Variants in GRHL2 observed in about 807,000 individuals in gnomAD.
The protein encoded by GRHL2 is grainyhead like transcription factor 2.
GRHL2 carries 21 observed loss-of-function variants against 83.8 expected under a neutral mutation model. That is an observed-to-expected ratio of 0.25 (90% CI 0.18 to 0.36). GRHL2 has a LOEUF of 0.36. GRHL2 is among the 10% of genes least tolerant of loss of function. The probability of loss-of-function intolerance (pLI) is 1.00; values close to 1 mark genes in which losing one functional copy is unlikely to be tolerated. For synonymous variants in GRHL2, 280 were observed against 278.9 expected (o/e 1.00, Z -0.04); for missense variants, 623 against 781.8 (o/e 0.80, Z 2.42).
intron 7 of GRHL2, among the ~76,000 whole-genome samples, chr8:101,591,652 AG>A (rs2130289322): frequency 6.6e-6 from 1 of 152,332 alleles, no homozygotes; most frequent in South Asian, 2.1e-4. Flanking sequence ...TTCAAATCAC[AG>A]GTTGGCTTGT....
At chr8:101,654,413 T>TTGA (rs2129724394) in intron 14 of GRHL2, among the ~76,000 whole-genome samples, 1 of 152,222 alleles carries the variant, frequency 6.6e-6, no homozygotes, top group East Asian at 1.9e-4. Context: ...GGCAATGATG[T>TTGA]TGATGATGCA....
At chr8:101,529,809 A>G (rs1387234246) in intron 1 of GRHL2, among the ~76,000 whole-genome samples, 1 of 152,108 alleles carries the variant, frequency 6.6e-6, no homozygotes, top group East Asian at 1.9e-4. Flanking sequence ...CGCTCTCTTG[A>G]TGGAAGCTCT....
intron 1 of GRHL2, among the ~76,000 whole-genome samples, chr8:101,510,516 A>T (rs1810440200): frequency 6.6e-6 from 1 of 152,196 alleles, no homozygotes; most frequent in Non-Finnish European, 1.5e-5. Context: ...AGATTTTTAT[A>T]TTCCTGAATT....
chr8:101,648,111 C>T (rs1359128821), intron 13 of GRHL2, among the ~76,000 whole-genome samples: 2 of 152,094 alleles, frequency 1.3e-5, no homozygotes, highest in African/African-American at 4.8e-5. Flanking sequence ...GGAGGGAGAC[C>T]ACTCAGTGGG....
chr8:101,518,622 C>A (rs191409410), intron 1 of GRHL2, among the ~76,000 whole-genome samples: 32 of 152,276 alleles, frequency 2.1e-4, no homozygotes, highest in Admixed American at 1.8e-3. Context: ...ATCACCCATG[C>A]CACATGTTTT....
At chr8:101,582,435 G>A (rs1168186540) in intron 7 of GRHL2, among the ~76,000 whole-genome samples, 1 of 152,084 alleles carries the variant, frequency 6.6e-6, no homozygotes, top group African/African-American at 2.4e-5. Flanking sequence ...ATTTTTTAAG[G>A]GCATCTTAGA....
intron 9 of GRHL2, among the ~76,000 whole-genome samples, chr8:101,620,077 C>T (rs969542885): frequency 5.9e-5 from 9 of 152,120 alleles, no homozygotes. Flanking sequence ...AGTGAGGGCT[C>T]GCTTTCTGGC....
chr8:101,669,254 C>CTTTTTCTTTTTTTTTTTT lies in GRHL2; in HGVS notation c.*2556_*2557insCTTTTTTTTTTTTTTTTT, dbSNP rs1554599112. 7.9e-6 allele frequency: 1 copy of CTTTTTCTTTTTTTTTTTT among 126,626 alleles called. No individual in the cohort carries two copies. Among genetic ancestry groups the CTTTTTCTTTTTTTTTTTT allele is most frequent in the Non-Finnish European group, 1.6e-5 (1 of 61,468 alleles). The allele number at this position is 126,626 out of a possible 1,614,324, so 7.8% of individuals were successfully genotyped here. A position where few individuals can be genotyped will look rare whatever the true frequency, so the allele number is the denominator to read the frequency against. ...GGACATGTGAAATGAGCATTTTTTT[C>CTTTTTCTTTTTTTTTTTT]TTTTTTTTTTTTAACAAAGTCTGAA... On this transcript the variant is annotated 3_prime_UTR_variant, in exon 16 of 16. Coordinates refer to ENST00000646743, the MANE Select transcript of GRHL2 (RefSeq NM_024915.4).
In GRHL2 at chr8:101,526,556, C is replaced by A. The variant is rs548245432; in HGVS notation, c.21-16685C>A. On this transcript the variant is annotated intron_variant, in intron 1 of 15. Transcript: ENST00000646743. ...TTTTTTTTTTTTTTTTGCTTGAAAG[C>A]TCAAATTTTACCATTGGCAACAAAT... Among the ~76,000 whole-genome samples the A allele has an allele frequency of 2.2e-3, 261 of 117,424 alleles. 1 individual carries two copies. The highest frequency in any genetic ancestry group is 8.4e-3 in the African/African-American group (249 of 29,636). 77.0% of individuals were successfully genotyped at this position (117,424 alleles called of 152,430 possible). A position where few individuals can be genotyped will look rare whatever the true frequency, so the allele number is the denominator to read the frequency against.
intron 7 of GRHL2, among the ~76,000 whole-genome samples, chr8:101,579,730 T>C (rs1812010552): frequency 6.6e-6 from 1 of 152,218 alleles, no homozygotes; most frequent in African/African-American, 2.4e-5. Context: ...TAAACACTAT[T>C]TCCCACATAA....
chr8:101,604,165 C>T (rs571958319), intron 8 of GRHL2, among the ~76,000 whole-genome samples: 1 of 152,172 alleles, frequency 6.6e-6, no homozygotes, highest in East Asian at 1.9e-4. Context: ...ACATGACTCC[C>T]ATTTACAAGA....
intron 9 of GRHL2, among the ~76,000 whole-genome samples, chr8:101,625,134 G>A (rs1021625420): frequency 6.6e-6 from 1 of 151,974 alleles, no homozygotes; most frequent in African/African-American, 2.4e-5. Flanking sequence ...CTTTATTTCA[G>A]ATATTCCAGG....
At chr8:101,543,543 T>C in intron 2 of GRHL2, 107 bp downstream of exon 2, 1 of 1,017,608 alleles carries the variant, frequency 9.8e-7, no homozygotes, top group Non-Finnish European at 1.5e-6. Flanking sequence ...CTAATAGCAT[T>C]TCCAAAGTCA....
intron 1 of GRHL2, among the ~76,000 whole-genome samples, chr8:101,526,681 T>A (rs1357689141): frequency 4.6e-5 from 7 of 152,168 alleles, no homozygotes. Context: ...TTTGTCAATA[T>A]GTCATTCTTT....
In GRHL2 at chr8:101,552,752, C is replaced by T. The variant is rs747466435; in HGVS notation, c.254C>T (p.Ala85Val). 1.2e-6 allele frequency: 2 copies of T among 1,614,090 alleles called. No homozygotes were observed. The highest frequency in any genetic ancestry group is 2.2e-5 in the East Asian group (1 of 44,870). ...RDKRLLSVSK[A>V]SDSQEDQEKR... ...AAGAGGCTGCTGTCTGTAAGCAAAG[C>T]AAGTGACAGCCAAGAAGACCAGGAG... The change falls in exon 3 of 16, where the codon GCA (alanine) becomes GTA (valine). Residue 85 changes from alanine to valine, a missense_variant. Ala to Val is a moderately conservative substitution (Grantham distance 64). Coordinates refer to ENST00000646743, the MANE Select transcript of GRHL2 (RefSeq NM_024915.4).
At chr8:101,610,278 T>A (rs1389182041) in intron 8 of GRHL2, among the ~76,000 whole-genome samples, 1 of 150,938 alleles carries the variant, frequency 6.6e-6, no homozygotes, top group East Asian at 1.9e-4. Flanking sequence ...TTAATGCAAA[T>A]CATAACTAAT....
At chr8:101,533,592 G>A (rs1302961795) in intron 1 of GRHL2, among the ~76,000 whole-genome samples, 1 of 152,198 alleles carries the variant, frequency 6.6e-6, no homozygotes, top group Non-Finnish European at 1.5e-5. Context: ...TTAAGGAGGT[G>A]ATGGCTGTTA....
At chr8:101,549,603 T>C (rs1811337292) in intron 2 of GRHL2, among the ~76,000 whole-genome samples, 1 of 152,056 alleles carries the variant, frequency 6.6e-6, no homozygotes, top group South Asian at 2.1e-4. Flanking sequence ...TCCAGAAAAA[T>C]GTGATGGTGC....
intron 11 of GRHL2, among the ~76,000 whole-genome samples, chr8:101,632,757 TCTC>T (rs2130401134): frequency 6.6e-6 from 1 of 152,286 alleles, no homozygotes; most frequent in South Asian, 2.1e-4. Flanking sequence ...AAGAGGGAAG[TCTC>T]CGCTTAAATA....
Sources: gnomAD v4.1 joint callset for allele counts (sites outside exome capture counted in the v4.1 genomes callset) on GRCh38, gnomAD v4.1.1 for gene constraint, MANE v1.5 for transcripts, NCBI Gene and HGNC (gene_info 2026-07-23, HGNC 2026-07-21) for gene names.